Variants in TYRO3 observed in about 807,000 individuals in gnomAD.
The protein encoded by TYRO3 is tyrosine-protein kinase receptor TYRO3.
A neutral mutation model predicts 95.2 loss-of-function variants in TYRO3; 38 were observed. The observed-to-expected ratio is 0.40, with a 90% CI of 0.31 to 0.52. The LOEUF (loss-of-function observed/expected upper bound fraction) is 0.52, where lower values mean the gene tolerates loss of function less well. Among genes scored for constraint, TYRO3 ranks in the 20% least tolerant of loss-of-function variants. The pLI, the probability that TYRO3 is intolerant of heterozygous loss-of-function variation, is 0.56. For synonymous variants in TYRO3, 367 were observed against 432.9 expected, an observed-to-expected ratio of 0.85 and a Z score of 1.89; for missense variants, 812 against 1,116.4, an observed-to-expected ratio of 0.73 and a Z score of 3.89.
At chr15:41,571,796 A>G in intron 14 of TYRO3, 109 bp downstream of exon 14, 1 of 500,782 alleles carries the variant, frequency 2.0e-6, no homozygotes, top group Middle Eastern at 5.8e-4. Flanking sequence ...TGGTAAATAA[A>G]TAGATGGCAA....
Position 41,565,075 on chromosome 15 carries a change from C to T in TYRO3, c.717C>T (p.Ser239=), listed in dbSNP as rs756123306. 71 of 1,613,326 alleles carry T rather than the reference C, an allele frequency of 4.4e-5. No homozygotes were observed. Among genetic ancestry groups the T allele is most frequent in the Non-Finnish European group, 5.8e-5 (69 of 1,180,006 alleles). Residue 239 remains serine, a synonymous_variant, in exon 6 of 19, where the codon AGC becomes AGT. Coordinates refer to ENST00000263798, the MANE Select transcript of TYRO3 (RefSeq NM_006293.4). ...TCACCGTGACAAAGCTTTCCAGCAG[C>T]AACGCTAGTGTGGCCTGGATGCCAG... ...FNITVTKLSS[S]NASVAWMPGA... is the part of the protein sequence containing the mutation.
intron 6 of TYRO3, among the ~76,000 whole-genome samples, chr15:41,566,425 GC>G (rs2055725304): frequency 6.7e-6 from 1 of 150,102 alleles, no homozygotes; most frequent in African/African-American, 2.5e-5. Context: ...AAGAGGATAT[GC>G]CCATCCAGAT....
rs768988534 is a variant in TYRO3, at chr15:41,570,357, C to T, written c.1483+17C>T. Reference sequence around the variant, plus strand: ...AGGCCACATGTGAGTGGTGGGTGATCGTGGGAAGGACAAATGGGCTGTCTT... The same window carrying T: ...AGGCCACATGTGAGTGGTGGGTGATTGTGGGAAGGACAAATGGGCTGTCTT... On this transcript the variant is annotated intron_variant, in intron 11 of 18. Coordinates refer to ENST00000263798, the MANE Select transcript of TYRO3 (RefSeq NM_006293.4). 22 of 1,612,364 alleles carry T rather than the reference C, an allele frequency of 1.4e-5. No individual in the cohort carries two copies. The highest frequency in any genetic ancestry group is 2.2e-5 in the South Asian group (2 of 90,974).
rs556698186 is a variant in TYRO3, at chr15:41,570,756, G to C, written c.1579+57G>C. 1.6e-5 allele frequency: 24 copies of C among 1,527,440 alleles called. No homozygotes were observed. In the Admixed American group the frequency reaches 4.0e-4, roughly 26 times the overall value. 94.6% of individuals were successfully genotyped at this position (1,527,440 alleles called of 1,614,324 possible). A position where few individuals can be genotyped will look rare whatever the true frequency, so the allele number is the denominator to read the frequency against. On this transcript the variant is annotated intron_variant, in intron 12 of 18. Transcript: ENST00000263798. ...TGGTTTGCTGTAGCTGGAAGTGTTT[G>C]GTTGCCCCTGTCACTTTGAGGCTGT... is the stretch of plus-strand genomic sequence containing the variant.
intron 3 of TYRO3, 23 bp from the exon 4 acceptor site, chr15:41,562,525 T>C (rs2055669930): frequency 6.6e-7 from 1 of 1,504,666 alleles, no homozygotes; most frequent in African/African-American, 1.4e-5. Flanking sequence ...CAGGGCTCAC[T>C]CCTCACTCCC....
chr15:41,572,651 T>C lies in TYRO3; in HGVS notation c.1875+87T>C. On this transcript the variant is annotated intron_variant, in intron 15 of 18. Coordinates refer to ENST00000263798, the MANE Select transcript of TYRO3 (RefSeq NM_006293.4). ...CATAGAGACCCTGGCAGAGAGGGGC[T>C]TGCTGGGTAGGGCTGATGGAGCTGG... 4.3e-6 allele frequency: 6 copies of C among 1,401,676 alleles called. No homozygotes were observed. The South Asian group carries it at 7.8e-5, about 18-fold the overall frequency. 86.8% of individuals were successfully genotyped at this position (1,401,676 alleles called of 1,614,324 possible).
intron 6 of TYRO3, 31 bp downstream of exon 6, chr15:41,565,172 C>A: frequency 7.1e-7 from 1 of 1,399,452 alleles, no homozygotes. Context: ...CATGCTCGTT[C>A]TGGCTGCATG....
intron 18 of TYRO3, among the ~76,000 whole-genome samples, chr15:41,575,387 G>T (rs1239403086): frequency 2.6e-5 from 4 of 152,250 alleles, no homozygotes; most frequent in Non-Finnish European, 5.9e-5. Flanking sequence ...GTGGGGACCA[G>T]ACCCCAGCGC....
At chr15:41,560,445 GCTCGCA>G (rs2055638350) in intron 1 of TYRO3, among the ~76,000 whole-genome samples, 1 of 149,638 alleles carries the variant, frequency 6.7e-6, no homozygotes, top group Admixed American at 6.7e-5. Context: ...GCGCGCGCGC[GCTCGCA>G]CGCAAGTTCC....
intron 5 of TYRO3, 49 bp downstream of exon 5, chr15:41,564,319 C>A: frequency 6.4e-7 from 1 of 1,557,784 alleles, no homozygotes; most frequent in South Asian, 1.1e-5. Flanking sequence ...GGGGCATTCC[C>A]AGCGAGCTGT....
rs1255146332 is a variant in TYRO3, at chr15:41,582,559, G to C, written c.*4283G>C. 6.6e-6 allele frequency: 1 copy of C among 151,936 alleles called. No individual in the cohort carries two copies. Among genetic ancestry groups the C allele is most frequent in the Non-Finnish European group, 1.5e-5 (1 of 68,006 alleles). 9.4% of individuals were successfully genotyped at this position (151,936 alleles called of 1,614,324 possible). Reference sequence around the variant, plus strand: ...TAGCTGGGCGTGCTGGTGGGTGCCTGTAATCCCAGCTACTTGGGAGGCTGA... The same window carrying C: ...TAGCTGGGCGTGCTGGTGGGTGCCTCTAATCCCAGCTACTTGGGAGGCTGA... On this transcript the variant is annotated 3_prime_UTR_variant, in exon 19 of 19. Coordinates refer to ENST00000263798, the MANE Select transcript of TYRO3 (RefSeq NM_006293.4).
intron 6 of TYRO3, among the ~76,000 whole-genome samples, chr15:41,565,785 C>T (rs1346764165): frequency 1.3e-5 from 2 of 151,992 alleles, no homozygotes; most frequent in African/African-American, 2.4e-5. Flanking sequence ...CCCTATCATG[C>T]TCCACCTTAC....
intron 8 of TYRO3, among the ~76,000 whole-genome samples, chr15:41,568,655 C>G (rs1028983631): frequency 1.3e-5 from 2 of 152,136 alleles, no homozygotes; most frequent in African/African-American, 4.8e-5. Context: ...TCCCATCCCC[C>G]ACCTGTGCAT....
In TYRO3 at chr15:41,559,234, C is replaced by G. The variant is rs1431055558; in HGVS notation, c.-24C>G. 1 of 342,964 alleles carries G rather than the reference C, an allele frequency of 2.9e-6. No individual in the cohort carries two copies. The allele number at this position is 342,964 out of a possible 1,614,324, so 21.2% of individuals were successfully genotyped here. A position where few individuals can be genotyped will look rare whatever the true frequency, so the allele number is the denominator to read the frequency against. ...TCCCTCCTCGCTCGCGGGCCGGGCCCGGCATGGTGCGGCGTCGCCGCCGAT... is the reference window on the plus strand; with the variant it reads ...TCCCTCCTCGCTCGCGGGCCGGGCCGGGCATGGTGCGGCGTCGCCGCCGAT... On this transcript the variant is annotated 5_prime_UTR_variant, in exon 1 of 19. Transcript: ENST00000263798.
At chr15:41,563,290 G>T (rs765121823) in intron 4 of TYRO3, among the ~76,000 whole-genome samples, 1 of 152,156 alleles carries the variant, frequency 6.6e-6, no homozygotes, top group Non-Finnish European at 1.5e-5. Context: ...TGGGCCCCAA[G>T]TTTCTTGGGC....
At chr15:41,577,276 C>G (rs760226635) in intron 18 of TYRO3, 1 of 152,014 alleles carries the variant, frequency 6.6e-6, no homozygotes, top group Non-Finnish European at 1.5e-5. Context: ...ATAGCAAGAC[C>G]CTGTCTCTAC....
At chr15:41,572,845 A>G (rs2055814503) in intron 15 of TYRO3, among the ~76,000 whole-genome samples, 157 bp from the exon 16 acceptor site, 1 of 152,102 alleles carries the variant, frequency 6.6e-6, no homozygotes, top group Non-Finnish European at 1.5e-5. Context: ...CTCTTAGGCT[A>G]GCCGAAGCTT....
intron 13 of TYRO3, 114 bp downstream of exon 13, chr15:41,571,232 A>C: frequency 4.2e-6 from 4 of 946,568 alleles, no homozygotes; most frequent in Non-Finnish European, 6.8e-6. Flanking sequence ...GCTGGGCAGC[A>C]CTAACTGGGA....
intron 9 of TYRO3, 79 bp downstream of exon 9, chr15:41,569,101 C>T: frequency 6.7e-6 from 10 of 1,500,106 alleles, no homozygotes; most frequent in Non-Finnish European, 9.1e-6. Context: ...TGGGAGGAGC[C>T]TAGTAGCATC....
Sources: gnomAD v4.1 joint callset for allele counts (sites outside exome capture counted in the v4.1 genomes callset) on GRCh38, gnomAD v4.1.1 for gene constraint, MANE v1.5 for transcripts, NCBI Gene and HGNC (gene_info 2026-07-23, HGNC 2026-07-21) for gene names.